GCNT1: variants seen among roughly 807,000 people sequenced by gnomAD.
GCNT1 encodes the protein beta-1,3-galactosyl-O-glycosyl-glycoprotein beta-1,6-N-acetylglucosaminyltransferase.
Under a neutral mutation model 26.2 loss-of-function variants are expected in GCNT1, and 16 were observed. The ratio of observed to expected loss-of-function variants is 0.61; its 90% CI spans 0.41 to 0.93. The LOEUF is 0.93. Among genes scored for constraint, GCNT1 ranks in the 40% least tolerant of loss-of-function variants. The pLI is 0.00. For missense variants in GCNT1, 477 were observed against 526.7 expected, an observed-to-expected ratio of 0.91 and a Z score of 0.92; for synonymous variants, 183 against 190.8, an observed-to-expected ratio of 0.96 and a Z score of 0.34.
rs749708931 is a variant in GCNT1, at chr9:76,502,846, C to T, written c.465C>T (p.Asp155=). The T allele has an allele frequency of 4.3e-6, 7 of 1,613,876 alleles. No individual in the cohort carries two copies. Among genetic ancestry groups the T allele is most frequent in the Admixed American group, 1.7e-5 (1 of 59,988 alleles). Residue 155 remains aspartate, a synonymous_variant, in exon 4 of 4, where the codon GAC becomes GAT. Coordinates refer to ENST00000376730, the MANE Select transcript of GCNT1 (RefSeq NM_001490.5). ...AGAATTTCTATTGCATTCATGTGGACACAAAATCCGAGGATTCCTATTTAG... is the reference window on the plus strand; with the variant it reads ...AGAATTTCTATTGCATTCATGTGGATACAAAATCCGAGGATTCCTATTTAG... ...MPQNFYCIHV[D]TKSEDSYLAA...
At chr9:76,430,844 C>T (rs1259727557) in intron 1 of GCNT1, among the ~76,000 whole-genome samples, 1 of 152,002 alleles carries the variant, frequency 6.6e-6, no homozygotes, top group Non-Finnish European at 1.5e-5. Flanking sequence ...CCAAACCACA[C>T]CCAGCTAATT....
upstream of GCNT1, among the ~76,000 whole-genome samples, chr9:76,457,215 T>C (rs1461055280): frequency 1.3e-5 from 2 of 152,122 alleles, no homozygotes; most frequent in African/African-American, 4.8e-5. Context: ...GCGTGAGCCA[T>C]TGCAAACAGC....
At chr9:76,461,088 T>A (rs968733273) in intron 2 of GCNT1, among the ~76,000 whole-genome samples, 4 of 152,086 alleles carry the variant, frequency 2.6e-5, no homozygotes, top group Non-Finnish European at 5.9e-5. Flanking sequence ...GAGTGCTTGG[T>A]TGGGCCCAGG....
rs1469204747 is a variant in GCNT1, at chr9:76,504,318, A to C, written c.*650A>C. On this transcript the variant is annotated 3_prime_UTR_variant, in exon 4 of 4. Transcript: ENST00000376730. ...ACATTTTCAACAACCAAAAAATGAC[A>C]ATTTCTAGTTTAGTTAATTTCTACA... is the stretch of plus-strand genomic sequence containing the variant. 8 of 169,806 alleles carry C rather than the reference A, an allele frequency of 4.7e-5. No individual in the cohort carries two copies. The highest frequency in any genetic ancestry group is 1.4e-5 in the Non-Finnish European group (1 of 70,098). The allele number at this position is 169,806 out of a possible 1,614,324, so 10.5% of individuals were successfully genotyped here. A position where few individuals can be genotyped will look rare whatever the true frequency, so the allele number is the denominator to read the frequency against.
At chr9:76,428,127 G>A (rs1185823142) in intron 1 of GCNT1, among the ~76,000 whole-genome samples, 8 of 151,686 alleles carry the variant, frequency 5.3e-5, no homozygotes, top group African/African-American at 9.7e-5. Flanking sequence ...TTAGCCGCGC[G>A]TGGTGGCGGG....
At chr9:76,473,776 T>C (rs1481361059) in intron 2 of GCNT1, among the ~76,000 whole-genome samples, 1 of 152,176 alleles carries the variant, frequency 6.6e-6, no homozygotes, top group African/African-American at 2.4e-5. Context: ...GCCACTGTAC[T>C]CTTCTGTGTC....
the GCNT1 span, among the ~76,000 whole-genome samples, chr9:76,401,330 C>A: frequency 6.6e-6 from 1 of 152,128 alleles, no homozygotes; most frequent in Admixed American, 6.5e-5. Context: ...CACAGGCAAG[C>A]TCATAGCACA....
chr9:76,502,502 G>T lies in GCNT1; in HGVS notation c.121G>T (p.Val41Leu), dbSNP rs1012960153. ...AAGGATTCATCAAAAGCCTGAATTT[G>T]TAAGTGTCAGACACTTGGAGCTTGC... is the stretch of plus-strand genomic sequence containing the variant. ...VLRIHQKPEFVSVRHLELAGE... is the reference protein window; with the variant it reads ...VLRIHQKPEFLSVRHLELAGE... Residue 41 changes from valine (V) to leucine (L), a missense_variant, in exon 4 of 4, where the codon GTA becomes TTA. Coordinates refer to ENST00000376730, the MANE Select transcript of GCNT1 (RefSeq NM_001490.5). The T allele has an allele frequency of 1.2e-6, 2 of 1,613,866 alleles. No individual in the cohort carries two copies. Among genetic ancestry groups the T allele is most frequent in the South Asian group, 2.2e-5 (2 of 91,074 alleles).
chr9:76,432,192 T>C (rs941586064), intron 1 of GCNT1, among the ~76,000 whole-genome samples: 2 of 152,182 alleles, frequency 1.3e-5, no homozygotes, highest in African/African-American at 2.4e-5. Context: ...AAATTTTTTA[T>C]TGGGTGACCT....
chr9:76,454,778 TAA>T (rs1823726714), upstream of GCNT1, among the ~76,000 whole-genome samples: 1 of 151,602 alleles, frequency 6.6e-6, no homozygotes, highest in South Asian at 2.1e-4. Flanking sequence ...CTGTCATGAT[TAA>T]AAGTTTCCTG....
At chr9:76,488,793 G>A (rs529753061) in intron 2 of GCNT1, among the ~76,000 whole-genome samples, 4 of 152,260 alleles carry the variant, frequency 2.6e-5, no homozygotes, top group African/African-American at 4.8e-5. Context: ...CTAAGCCAGC[G>A]CACCTGGCCG....
At chr9:76,422,922 A>C (rs1269309276) in intron 1 of GCNT1, among the ~76,000 whole-genome samples, 2 of 152,182 alleles carry the variant, frequency 1.3e-5, no homozygotes, top group Non-Finnish European at 2.9e-5. Flanking sequence ...ACTATTATAA[A>C]ATAACCTTTG....
chr9:76,399,170 G>A, the GCNT1 span: 3 of 1,469,604 alleles, frequency 2.0e-6, no homozygotes, highest in African/African-American at 4.2e-5. Flanking sequence ...GCGCTATGTG[G>A]ACATTGCCAT....
At chr9:76,410,599 T>A in the GCNT1 span, among the ~76,000 whole-genome samples, 1 of 152,076 alleles carries the variant, frequency 6.6e-6, no homozygotes, top group Admixed American at 6.6e-5. Context: ...TTTTAAATAA[T>A]AAAAAAAGTT....
the GCNT1 span, among the ~76,000 whole-genome samples, chr9:76,399,759 A>ATTTT: frequency 6.6e-6 from 1 of 151,602 alleles, no homozygotes; most frequent in Non-Finnish European, 1.5e-5. Flanking sequence ...ATTTTATTTT[A>ATTTT]TTTTTATTTT....
intron 2 of GCNT1, among the ~76,000 whole-genome samples, chr9:76,464,920 T>G (rs1418667123): frequency 6.6e-6 from 1 of 152,226 alleles, no homozygotes; most frequent in African/African-American, 2.4e-5. Flanking sequence ...TTTTCCTTGT[T>G]AGGGCAGGCA....
At chr9:76,458,378 T>C (rs887391935), upstream of GCNT1, among the ~76,000 whole-genome samples, 1 of 151,980 alleles carries the variant, frequency 6.6e-6, no homozygotes. Context: ...GAGACGCGGT[T>C]TCACCATGTT....
intron 2 of GCNT1, among the ~76,000 whole-genome samples, chr9:76,474,247 A>G (rs898396911): frequency 3.3e-5 from 5 of 152,194 alleles, no homozygotes; most frequent in African/African-American, 1.2e-4. Context: ...ATTATATATA[A>G]TTAAAATGTA....
At chr9:76,431,160 G>A (rs115298006) in intron 1 of GCNT1, among the ~76,000 whole-genome samples, 3,717 of 152,208 alleles carry the variant, frequency 0.024, 142 homozygotes, top group African/African-American at 0.083. Flanking sequence ...ATGTTAAAAC[G>A]TCCTGGCAAA....
Sources: gnomAD v4.1 joint callset for allele counts (sites outside exome capture counted in the v4.1 genomes callset) on GRCh38, gnomAD v4.1.1 for gene constraint, MANE v1.5 for transcripts, NCBI Gene and HGNC (gene_info 2026-07-23, HGNC 2026-07-21) for gene names.